APMAP: variants seen among roughly 807,000 people sequenced by gnomAD.
APMAP encodes adipocyte plasma membrane-associated protein.
Under a neutral mutation model 43.6 loss-of-function variants are expected in APMAP, and 33 were observed. The observed-to-expected ratio is 0.76, with a 90% CI of 0.57 to 1.01. The LOEUF (loss-of-function observed/expected upper bound fraction) is 1.01. Among genes scored for constraint, APMAP ranks in the 50% least tolerant of loss-of-function variants. The pLI is 0.00. For synonymous variants in APMAP, 224 were observed against 216.7 expected (o/e 1.03, Z -0.30); for missense variants, 498 against 540.7 (o/e 0.92, Z 0.78).
chr20:24,970,012 C>G (rs138918500), intron 6 of APMAP, among the ~76,000 whole-genome samples, 185 bp downstream of exon 6: 1 of 152,238 alleles, frequency 6.6e-6, no homozygotes, highest in Non-Finnish European at 1.5e-5. Flanking sequence ...TCAGAGAAAA[C>G]GAAAGCACCT....
chr20:24,969,259 G>A (rs1212020707), intron 7 of APMAP, among the ~76,000 whole-genome samples, 175 bp from the exon 8 acceptor site: 1 of 152,178 alleles, frequency 6.6e-6, no homozygotes, highest in Admixed American at 6.5e-5. Flanking sequence ...GGCCCAGTAT[G>A]AACAGAGGGG....
intron 4 of APMAP, among the ~76,000 whole-genome samples, chr20:24,972,960 G>A (rs6083699): frequency 0.49 from 73,966 of 152,090 alleles, 19,358 homozygotes; most frequent in East Asian, 0.92. Flanking sequence ...TCCATCATAC[G>A]TGTGGGTGTG....
At chr20:24,982,001 G>A (rs1274911086) in intron 2 of APMAP, among the ~76,000 whole-genome samples, 2 of 152,212 alleles carry the variant, frequency 1.3e-5, no homozygotes, top group African/African-American at 2.4e-5. Context: ...GCTCTGTCAT[G>A]TACCAGGCTT....
At chr20:24,973,117 C>T (rs2088019739) in intron 4 of APMAP, among the ~76,000 whole-genome samples, 1 of 152,190 alleles carries the variant, frequency 6.6e-6, no homozygotes, top group Non-Finnish European at 1.5e-5. Context: ...TTAATAAAAA[C>T]ATTCCAGCTA....
intron 8 of APMAP, among the ~76,000 whole-genome samples, chr20:24,967,156 G>A (rs944805989): frequency 1.3e-5 from 2 of 152,104 alleles, no homozygotes; most frequent in Admixed American, 1.3e-4. Context: ...TTAGCCAAGC[G>A]TGGTGGTACA....
intron 3 of APMAP, among the ~76,000 whole-genome samples, chr20:24,977,671 T>C (rs916241669): frequency 1.3e-5 from 2 of 152,072 alleles, no homozygotes; most frequent in African/African-American, 2.4e-5. Context: ...AGTAACCCAG[T>C]GAAAAAGAAA....
At chr20:24,971,351 C>G in intron 5 of APMAP, 109 bp downstream of exon 5, 3 of 980,006 alleles carry the variant, frequency 3.1e-6, no homozygotes, top group Non-Finnish European at 4.5e-6. Flanking sequence ...TAAGAAATAT[C>G]AGAGTCTTTA....
intron 2 of APMAP, among the ~76,000 whole-genome samples, chr20:24,981,622 A>G (rs924989208): frequency 3.3e-5 from 5 of 152,160 alleles, no homozygotes; most frequent in Non-Finnish European, 5.9e-5. Context: ...CTATTTTTTA[A>G]TATCTCTCAG....
chr20:24,970,444 C>G (rs112505764), intron 5 of APMAP, 73 bp from the exon 6 acceptor site: 21 of 1,393,478 alleles, frequency 1.5e-5, no homozygotes, highest in African/African-American at 1.0e-4. Flanking sequence ...TATTAACCAA[C>G]CTAACTGATT....
chr20:24,969,855 GGGAACCCCAA>G (rs1321211051), intron 6 of APMAP, among the ~76,000 whole-genome samples, 195 bp from the exon 7 acceptor site: 1 of 152,200 alleles, frequency 6.6e-6, no homozygotes. Context: ...GTCCCCTCCA[GGGAACCCCAA>G]GGTCAGTTAT....
chr20:24,971,328 A>G (rs1416306853), intron 5 of APMAP, 132 bp downstream of exon 5: 1 of 815,052 alleles, frequency 1.2e-6, no homozygotes, highest in African/African-American at 1.7e-5. Context: ...TGTTTTCAGT[A>G]CTGTTCAGTG....
chr20:24,970,932 G>A (rs1260870146), intron 5 of APMAP, among the ~76,000 whole-genome samples: 1 of 152,172 alleles, frequency 6.6e-6, no homozygotes, highest in Non-Finnish European at 1.5e-5. Flanking sequence ...CAGCTGGGCT[G>A]CAGGGCCTAT....
At chr20:24,978,388 C>G (rs73906026) in intron 3 of APMAP, among the ~76,000 whole-genome samples, 1,712 of 152,312 alleles carry the variant, frequency 0.011, 39 homozygotes, top group African/African-American at 0.039. Context: ...ACAGTGAAAT[C>G]TATACAAAGC....
intron 3 of APMAP, among the ~76,000 whole-genome samples, chr20:24,977,017 T>C (rs974584896): frequency 1.2e-4 from 18 of 152,182 alleles, no homozygotes; most frequent in Admixed American, 2.0e-4. Context: ...GTGGTTGCCA[T>C]GGGTTAAAAG....
Position 24,966,938 on chromosome 20 carries a change from G to GA in APMAP, c.1041+1953dup, listed in dbSNP as rs571887190. On this transcript the variant is annotated intron_variant, in intron 8 of 8. Coordinates refer to ENST00000217456, the MANE Select transcript of APMAP (RefSeq NM_020531.3). ...GCCGCTAACTCGGAAACAGTGCTGG[G>GA]AAAAAAATCCCTTGTACCCTCCCTC... 3.9e-5 allele frequency among the ~76,000 whole-genome samples: 6 copies of GA among 152,086 alleles called. No individual in the cohort carries two copies. In the East Asian group the frequency reaches 1.2e-3, roughly 29 times the overall value.
Position 24,968,917 on chromosome 20 carries a change from G to T in APMAP, c.1016C>A (p.Pro339His). The change falls in exon 8 of 9, where the codon CCC (proline) becomes CAC (histidine). Residue 339 changes from proline (P) to histidine (H), a missense_variant. By Grantham distance (77) the Pro-to-His change is moderately conservative. Transcript: ENST00000217456. ...FSMLDFLSER[P>H]WIKRMIFKLF... Reference sequence around the variant, plus strand: ...CTTAAAAATCATCCTTTTAATCCAGGGTCTCTCAGATAAGAAATCCAGCAT... The same window carrying T: ...CTTAAAAATCATCCTTTTAATCCAGTGTCTCTCAGATAAGAAATCCAGCAT... 6.2e-7 allele frequency: 1 copy of T among 1,602,486 alleles called. No individual in the cohort carries two copies. Among genetic ancestry groups the T allele is most frequent in the Non-Finnish European group, 8.5e-7 (1 of 1,175,702 alleles).
chr20:24,967,929 G>A (rs550551189), intron 8 of APMAP, among the ~76,000 whole-genome samples: 10 of 152,326 alleles, frequency 6.6e-5, no homozygotes, highest in East Asian at 1.9e-4. Flanking sequence ...ACTGAAGGCC[G>A]TGAGCCAGTC....
intron 3 of APMAP, among the ~76,000 whole-genome samples, chr20:24,978,197 C>A (rs1244219036): frequency 6.6e-6 from 1 of 152,216 alleles, no homozygotes; most frequent in Non-Finnish European, 1.5e-5. Context: ...CTCATTTTAA[C>A]AAACAGAAAA....
Position 24,973,655 on chromosome 20 carries a change from C to T in APMAP, c.411G>A (p.Ser137=). 1.2e-6 allele frequency: 2 copies of T among 1,613,830 alleles called. No homozygotes were observed. Among genetic ancestry groups the T allele is most frequent in the South Asian group, 1.1e-5 (1 of 91,058 alleles). Residue 137 remains serine (S), a synonymous_variant, in exon 4 of 9, where the codon TCG becomes TCA. Transcript: ENST00000217456. ...TTATCACCAACTTACTGCAAGGGCCCGAACCAAACCGGGCAATGGTCTCTA... is the reference window on the plus strand; with the variant it reads ...TTATCACCAACTTACTGCAAGGGCCTGAACCAAACCGGGCAATGGTCTCTA... ...GEIETIARFG[S]GPCKTRDDEP...
Sources: gnomAD v4.1 joint callset for allele counts (sites outside exome capture counted in the v4.1 genomes callset) on GRCh38, gnomAD v4.1.1 for gene constraint, MANE v1.5 for transcripts, NCBI Gene and HGNC (gene_info 2026-07-23, HGNC 2026-07-21) for gene names.